Variants in SLC16A10 observed in about 807,000 individuals in gnomAD.
SLC16A10 encodes monocarboxylate transporter 10.
SLC16A10 carries 27 observed loss-of-function variants against 40.0 expected under a neutral mutation model. The observed-to-expected ratio is 0.67, with a 90% CI of 0.50 to 0.93. SLC16A10 has a LOEUF of 0.93. SLC16A10 is among the 40% of genes least tolerant of loss of function. The pLI is 0.00. For missense variants in SLC16A10, 529 were observed against 658.2 expected, an observed-to-expected ratio of 0.80 and a Z score of 2.15; for synonymous variants, 213 against 249.8, an observed-to-expected ratio of 0.85 and a Z score of 1.39.
intron 3 of SLC16A10, among the ~76,000 whole-genome samples, chr6:111,180,920 A>C (rs945549414): frequency 7.9e-5 from 12 of 152,224 alleles, no homozygotes; most frequent in Non-Finnish European, 1.8e-4. Flanking sequence ...GTGGTTTAAA[A>C]GTGAAGGTTC....
chr6:111,091,442 T>A (rs1770973380), intron 1 of SLC16A10: 1 of 152,246 alleles, frequency 6.6e-6, no homozygotes, highest in Non-Finnish European at 1.5e-5. Flanking sequence ...GGTTGAGTGC[T>A]CTACCATGCA....
At chr6:111,104,878 C>T (rs1464972353) in intron 1 of SLC16A10, among the ~76,000 whole-genome samples, 2 of 151,612 alleles carry the variant, frequency 1.3e-5, no homozygotes, top group African/African-American at 4.8e-5. Flanking sequence ...TAGCTGCTGC[C>T]ACCTCTTAGC....
chr6:111,229,534 G>A lies in SLC16A10; in HGVS notation c.*7299G>A, dbSNP rs761760089. 2 of 152,198 alleles carry A rather than the reference G, an allele frequency of 1.3e-5. No homozygotes were observed. Among genetic ancestry groups the A allele is most frequent in the Non-Finnish European group, 2.9e-5 (2 of 68,028 alleles). 9.4% of individuals were successfully genotyped at this position (152,198 alleles called of 1,614,324 possible). The stretch of plus-strand genomic sequence containing the variant: ...ATAGCTTCCTATTGAGCTGGCTTAT[G>A]TAGACATTTGGACATTTGAAACTAT... On this transcript the variant is annotated 3_prime_UTR_variant, in exon 6 of 6. Transcript: ENST00000368851.
intron 1 of SLC16A10, among the ~76,000 whole-genome samples, chr6:111,093,182 C>G (rs1771014735): frequency 6.6e-6 from 1 of 152,010 alleles, no homozygotes; most frequent in Admixed American, 6.6e-5. Flanking sequence ...TTCACTCCAG[C>G]CTGGGCAACA....
rs989409178 is a variant in SLC16A10, at chr6:111,229,938, G to A, written c.*7703G>A. The A allele has an allele frequency of 2.0e-5, 3 of 149,312 alleles. No individual in the cohort carries two copies. The highest frequency in any genetic ancestry group is 7.4e-5 in the African/African-American group (3 of 40,552). The allele number at this position is 149,312 out of a possible 1,614,324, so 9.2% of individuals were successfully genotyped here. A position where few individuals can be genotyped will look rare whatever the true frequency, so the allele number is the denominator to read the frequency against. On this transcript the variant is annotated 3_prime_UTR_variant, in exon 6 of 6. Transcript: ENST00000368851. ...ATACGGGTCTCTTTAATGTTCTGTA[G>A]GTAGGATTCAGATGAATTGAGAATG...
chr6:111,137,750 G>C (rs1171525113), intron 1 of SLC16A10, among the ~76,000 whole-genome samples: 1 of 152,232 alleles, frequency 6.6e-6, no homozygotes, highest in East Asian at 1.9e-4. Flanking sequence ...GGGTTGCTGA[G>C]AGACAGGACT....
chr6:111,155,022 CAAA>C (rs397888706), intron 1 of SLC16A10, among the ~76,000 whole-genome samples: 2 of 53,454 alleles, frequency 3.7e-5, no homozygotes, highest in Non-Finnish European at 7.5e-5. Context: ...GACTCCATCT[CAAA>C]AAAAAAAAAA....
intron 1 of SLC16A10, among the ~76,000 whole-genome samples, chr6:111,163,430 G>A (rs1288787045): frequency 1.3e-5 from 2 of 152,090 alleles, no homozygotes; most frequent in Non-Finnish European, 2.9e-5. Context: ...GGGATTACAG[G>A]CGTGAGCCAC....
intron 1 of SLC16A10, among the ~76,000 whole-genome samples, chr6:111,114,054 A>G (rs560625566): frequency 7.7e-4 from 117 of 152,312 alleles, no homozygotes; most frequent in Middle Eastern, 6.8e-3. Context: ...ATACAGATCA[A>G]ACAAGCAGGG....
chr6:111,118,658 C>A (rs1319136080), intron 1 of SLC16A10, among the ~76,000 whole-genome samples: 2 of 117,440 alleles, frequency 1.7e-5, no homozygotes, highest in East Asian at 5.0e-4. Flanking sequence ...CCCAGCCTGG[C>A]AACAGAGTGA....
At chr6:111,218,785 C>G (rs750954511) in intron 4 of SLC16A10, 29 bp from the exon 5 acceptor site, 1 of 1,585,096 alleles carries the variant, frequency 6.3e-7, no homozygotes, top group Non-Finnish European at 8.7e-7. Flanking sequence ...TTCCTGCGAG[C>G]GGAGCTGACC....
chr6:111,130,917 T>C (rs1301381603), intron 1 of SLC16A10, among the ~76,000 whole-genome samples: 1 of 152,236 alleles, frequency 6.6e-6, no homozygotes, highest in Non-Finnish European at 1.5e-5. Context: ...GTGCCTTAAT[T>C]TTCTTAGGTA....
chr6:111,202,159 G>T (rs903639635), intron 3 of SLC16A10, among the ~76,000 whole-genome samples: 5 of 152,170 alleles, frequency 3.3e-5, no homozygotes. Context: ...GAAAGTAACC[G>T]GCCTTCAGTT....
In SLC16A10 at chr6:111,195,998, G is replaced by GA. The variant is rs1037539501; in HGVS notation, c.943-10585dup. On this transcript the variant is annotated intron_variant, in intron 3 of 5. Transcript: ENST00000368851. ...AACCATGGATTGAAAATATTTGGGG[G>GA]AAAAAAAAACAATAAAAAAACACTG... 3.0e-4 allele frequency among the ~76,000 whole-genome samples: 45 copies of GA among 149,822 alleles called. No individual in the cohort carries two copies. In the South Asian group the frequency reaches 7.5e-3, roughly 25 times the overall value.
chr6:111,127,088 G>C (rs1771688343), intron 1 of SLC16A10, among the ~76,000 whole-genome samples: 1 of 152,190 alleles, frequency 6.6e-6, no homozygotes, highest in Non-Finnish European at 1.5e-5. Context: ...AAAATTGAGA[G>C]CCCCTTTCTA....
At chr6:111,107,269 C>T (rs549636569) in intron 1 of SLC16A10, among the ~76,000 whole-genome samples, 5 of 152,268 alleles carry the variant, frequency 3.3e-5, no homozygotes, top group Admixed American at 2.6e-4. Flanking sequence ...CATGTCTGAA[C>T]AGTTCGAGAC....
At chr6:111,166,888 T>G (rs1268682474) in intron 1 of SLC16A10, among the ~76,000 whole-genome samples, 1 of 152,238 alleles carries the variant, frequency 6.6e-6, no homozygotes, top group Non-Finnish European at 1.5e-5. Flanking sequence ...TGTTGAAAGA[T>G]TTCTTAACAT....
intron 2 of SLC16A10, among the ~76,000 whole-genome samples, chr6:111,175,187 T>G (rs1164082942): frequency 2.0e-5 from 3 of 152,200 alleles, no homozygotes; most frequent in African/African-American, 7.2e-5. Context: ...CTCTGAATCC[T>G]TTTTGCACAT....
chr6:111,157,637 G>C (rs1772295165), intron 1 of SLC16A10, among the ~76,000 whole-genome samples: 1 of 152,242 alleles, frequency 6.6e-6, no homozygotes, highest in African/African-American at 2.4e-5. Flanking sequence ...ATACAAGTTA[G>C]CTAAATAGTA....
Sources: allele counts gnomAD v4.1 joint callset (sites outside exome capture counted in the v4.1 genomes callset), GRCh38; gene constraint gnomAD v4.1.1; transcripts MANE v1.5; gene names NCBI Gene and HGNC (gene_info 2026-07-23, HGNC 2026-07-21).